The following LPIN3 variants were observed in gnomAD, a reference collection of about 807,000 sequenced individuals.
LPIN3 encodes lipin 3.
LPIN3 carries 82 observed loss-of-function variants against 94.7 expected under a neutral mutation model. The ratio of observed to expected loss-of-function variants is 0.87; its 90% CI spans 0.72 to 1.04. The LOEUF (loss-of-function observed/expected upper bound fraction) is 1.04, where lower values mean the gene tolerates loss of function less well. LPIN3 is among the 50% of genes least tolerant of loss of function. LPIN3 has a pLI of 0.00. For synonymous variants in LPIN3, 418 were observed against 443.3 expected, an observed-to-expected ratio of 0.94 and a Z score of 0.72; for missense variants, 996 against 1,090.5, an observed-to-expected ratio of 0.91 and a Z score of 1.22.
Position 41,348,897 on chromosome 20 carries a change from G to T in LPIN3, c.557+10G>T. On this transcript the variant is annotated intron_variant, in intron 4 of 19. Coordinates refer to ENST00000373257, the MANE Select transcript of LPIN3 (RefSeq NM_022896.3). Reference sequence around the variant, plus strand: ...GGCCAGAGCCCCCAGGGTGTGTAAGGACCAAGGGACTTGAACCCCAGTTTG... The same window carrying T: ...GGCCAGAGCCCCCAGGGTGTGTAAGTACCAAGGGACTTGAACCCCAGTTTG... 1 of 1,597,836 alleles carries T rather than the reference G, an allele frequency of 6.3e-7. No individual in the cohort carries two copies. Among genetic ancestry groups the T allele is most frequent in the South Asian group, 1.1e-5 (1 of 89,374 alleles).
At chr20:41,345,713 G>T in intron 1 of LPIN3, 83 bp from the exon 2 acceptor site, 1 of 1,400,110 alleles carries the variant, frequency 7.1e-7, no homozygotes, top group African/African-American at 1.4e-5. Flanking sequence ...GTAAACTTGG[G>T]GGTCTGTGTG....
Position 41,357,915 on chromosome 20 carries a change from G to A in LPIN3, c.2073G>A (p.Arg691=). 6.2e-7 allele frequency: 1 copy of A among 1,614,114 alleles called. No individual in the cohort carries two copies. Among genetic ancestry groups the A allele is most frequent in the East Asian group, 2.2e-5 (1 of 44,882 alleles). Reference sequence around the variant, plus strand: ...ACAAGTTCCTGTACTGCTCGGCGCGGGCCATTGGCATGGCGGACCTCACCA... The same window carrying A: ...ACAAGTTCCTGTACTGCTCGGCGCGAGCCATTGGCATGGCGGACCTCACCA... ...NGYKFLYCSA[R]AIGMADLTKG... The change falls in exon 17 of 20, where the codon CGG becomes CGA. Residue 691 remains arginine (R), a synonymous_variant. Transcript: ENST00000373257.
In LPIN3 at chr20:41,354,839, A is replaced by C; in HGVS notation, c.1640A>C (p.Lys547Thr). ...LAEERSAQKE[K>T]TAAKEQQGEK... is the part of the protein sequence containing the mutation. ...CCACAGCGCAGTGCCCAGAAGGAGA[A>C]GACTGCAGCCAAGGAGCAGCAGGGG... Residue 547 changes from lysine (K) to threonine (T), a missense_variant, in exon 13 of 20, where the codon AAG (lysine) becomes ACG (threonine). Coordinates refer to ENST00000373257, the MANE Select transcript of LPIN3 (RefSeq NM_022896.3). 6.3e-7 allele frequency: 1 copy of C among 1,586,338 alleles called. No individual in the cohort carries two copies. The highest frequency in any genetic ancestry group is 8.6e-7 in the Non-Finnish European group (1 of 1,165,980).
At chr20:41,344,070 AAAAG>A (rs1344494977) in intron 1 of LPIN3, among the ~76,000 whole-genome samples, 168 of 151,968 alleles carry the variant, frequency 1.1e-3, no homozygotes, top group African/African-American at 3.7e-3. Flanking sequence ...TCAAAAAAAA[AAAAG>A]AAAAGAAAAG....
intron 2 of LPIN3, among the ~76,000 whole-genome samples, chr20:41,346,315 A>C (rs2045774387): frequency 1.3e-5 from 2 of 152,220 alleles, no homozygotes; most frequent in Admixed American, 1.3e-4. Flanking sequence ...GAGCCCAGTT[A>C]CTTCACCTGC....
In LPIN3 at chr20:41,350,081, C is replaced by T. The variant is rs1273552087; in HGVS notation, c.786C>T (p.Ser262=). ...TGGCCAGAGCTGAGCGGCCCGAGTC[C>T]TCAGTGGTCCTTGAAGGCAGAGCTG... ...PKVARAERPE[S]SVVLEGRAGA... is the part of the protein sequence containing the mutation. The change falls in exon 7 of 20, where the codon TCC becomes TCT. Residue 262 remains serine (S), a synonymous_variant. Transcript: ENST00000373257. 1.9e-6 allele frequency: 3 copies of T among 1,606,898 alleles called. No homozygotes were observed. The highest frequency in any genetic ancestry group is 3.4e-5 in the Admixed American group (2 of 59,202).
intron 13 of LPIN3, among the ~76,000 whole-genome samples, chr20:41,355,370 C>T (rs2046173455): frequency 6.6e-6 from 1 of 152,194 alleles, no homozygotes; most frequent in South Asian, 2.1e-4. Flanking sequence ...AAAAATGAGG[C>T]CTAGAGACAC....
At position 41,350,131 on chromosome 20, in the gene LPIN3, G is replaced by A. The variant is rs757849647; in HGVS notation, c.836G>A (p.Gly279Glu). Residue 279 changes from glycine (G) to glutamate (E), a missense_variant, in exon 7 of 20, where the codon GGA becomes GAA. By Grantham distance (98) the Gly-to-Glu change is moderately conservative (BLOSUM62 -2). Transcript: ENST00000373257. ...GGGGCAACCTCTCCTCCTCGGGGAG[G>A]ACCCAGCACTCCCTCTACCTCTGTG... ...RAGATSPPRG[G>E]PSTPSTSVAG... 5.7e-5 allele frequency: 92 copies of A among 1,612,674 alleles called. No homozygotes were observed. The highest frequency in any genetic ancestry group is 7.6e-5 in the Non-Finnish European group (90 of 1,179,642).
chr20:41,343,361 A>G (rs1465463003), intron 1 of LPIN3, among the ~76,000 whole-genome samples: 1 of 152,146 alleles, frequency 6.6e-6, no homozygotes, highest in East Asian at 1.9e-4. Context: ...CTGCCCACCA[A>G]GTGTCTGTCA....
At position 41,358,830 on chromosome 20, in the gene LPIN3, G is replaced by A; in HGVS notation, c.2520G>A (p.Glu840=). ...ACAGTAACTTCTGCTACTGGCGGGA[G>A]CCACTGCCTGCTGTGGACCTTGATA... is the stretch of plus-strand genomic sequence containing the variant. The part of the protein sequence containing the change: ...PEYSNFCYWR[E]PLPAVDLDTL... Residue 840 remains glutamate (E), a synonymous_variant, in exon 20 of 20, where the codon GAG becomes GAA. Transcript: ENST00000373257. 1 of 1,613,992 alleles carries A rather than the reference G, an allele frequency of 6.2e-7. No individual in the cohort carries two copies. The highest frequency in any genetic ancestry group is 8.5e-7 in the Non-Finnish European group (1 of 1,180,008).
At position 41,357,943 on chromosome 20, in the gene LPIN3, G is replaced by A; in HGVS notation, c.2101G>A (p.Gly701Arg). The A allele has an allele frequency of 6.2e-7, 1 of 1,614,048 alleles. No homozygotes were observed. Among genetic ancestry groups the A allele is most frequent in the Non-Finnish European group, 8.5e-7 (1 of 1,179,978 alleles). Reference protein sequence around the residue: ...RAIGMADLTKGYLQWVSEGGC... With the variant: ...RAIGMADLTKRYLQWVSEGGC... ...CATTGGCATGGCGGACCTCACCAAGGGGTACCTGCAGTGGGTGAGCGAGGG... is the reference window on the plus strand; with the variant it reads ...CATTGGCATGGCGGACCTCACCAAGAGGTACCTGCAGTGGGTGAGCGAGGG... Residue 701 changes from glycine to arginine, a missense_variant, in exon 17 of 20, where the codon GGG (glycine) becomes AGG (arginine). Transcript: ENST00000373257.
At chr20:41,343,957 G>C (rs2045677098) in intron 1 of LPIN3, among the ~76,000 whole-genome samples, 1 of 152,150 alleles carries the variant, frequency 6.6e-6, no homozygotes, top group Non-Finnish European at 1.5e-5. Context: ...AGCTACTCAG[G>C]AGGCTGAGGC....
rs2146969751 is a variant in LPIN3 at position 41,351,823 on chromosome 20, T to C, written c.1105T>C (p.Ser369Pro). The C allele has an allele frequency of 6.2e-7, 1 of 1,613,994 alleles. No homozygotes were observed. The highest frequency in any genetic ancestry group is 1.7e-4 in the Middle Eastern group (1 of 6,060). Residue 369 changes from serine to proline, a missense_variant and splice_region_variant, in exon 8 of 20, where the codon TCC (serine) becomes CCC (proline). Transcript: ENST00000373257. ...QPERVSRGKG[S>P]PKRSQHLGPS... ...GATATCCTCTCTTCAACTCTCAGGC[T>C]CCCCAAAGAGAAGCCAGCACCTGGG... is the stretch of plus-strand genomic sequence containing the variant.
At chr20:41,346,690 A>G (rs2146930728) in intron 2 of LPIN3, among the ~76,000 whole-genome samples, 1 of 152,330 alleles carries the variant, frequency 6.6e-6, no homozygotes, top group African/African-American at 2.4e-5. Flanking sequence ...GCAGTGAGCC[A>G]AGATTGTGCC....
chr20:41,348,154 C>CTG (rs773689359), intron 3 of LPIN3, among the ~76,000 whole-genome samples: 1 of 152,182 alleles, frequency 6.6e-6, no homozygotes, highest in African/African-American at 2.4e-5. Context: ...AGGCCAGACA[C>CTG]TGTGCAACAG....
intron 1 of LPIN3, among the ~76,000 whole-genome samples, chr20:41,344,512 C>T (rs1169289877): frequency 6.6e-6 from 1 of 152,202 alleles, no homozygotes; most frequent in African/African-American, 2.4e-5. Context: ...AGAAAGTGCT[C>T]TGTAGAGATA....
At chr20:41,349,699 T>G in intron 5 of LPIN3, 75 bp from the exon 6 acceptor site, 1 of 1,533,058 alleles carries the variant, frequency 6.5e-7, no homozygotes, top group Non-Finnish European at 8.8e-7. Flanking sequence ...TTGCACATAT[T>G]TTTTTCCCTG....
At chr20:41,358,074 G>T in intron 17 of LPIN3, 40 bp downstream of exon 17, 3 of 1,570,596 alleles carry the variant, frequency 1.9e-6, no homozygotes, top group Non-Finnish European at 2.6e-6. Flanking sequence ...GCCCCCTGGT[G>T]GGGAAAGGCA....
At chr20:41,346,680 G>A (rs1339654803) in intron 2 of LPIN3, among the ~76,000 whole-genome samples, 1 of 152,210 alleles carries the variant, frequency 6.6e-6, no homozygotes, top group East Asian at 1.9e-4. Flanking sequence ...GGCAGAGATT[G>A]CAGTGAGCCA....
Sources: allele counts gnomAD v4.1 joint callset (sites outside exome capture counted in the v4.1 genomes callset), GRCh38; gene constraint gnomAD v4.1.1; transcripts MANE v1.5; gene names NCBI Gene and HGNC (gene_info 2026-07-23, HGNC 2026-07-21).